MRAS: variants seen among roughly 807,000 people sequenced by gnomAD.
MRAS encodes muscle RAS oncogene homolog.
A neutral mutation model predicts 20.9 loss-of-function variants in MRAS; 4 were observed. The observed-to-expected ratio is 0.19, with a 90% CI of 0.09 to 0.44. The LOEUF is 0.44. MRAS is among the 20% of genes least tolerant of loss of function. The pLI, the probability that MRAS is intolerant of heterozygous loss-of-function variation, is 0.99. For synonymous variants in MRAS, 98 were observed against 102.9 expected, an observed-to-expected ratio of 0.95 and a Z score of 0.29; for missense variants, 154 against 277.5, an observed-to-expected ratio of 0.56 and a Z score of 3.16.
chr3:138,385,377 G>A (rs1349354078), intron 2 of MRAS, among the ~76,000 whole-genome samples: 1 of 150,876 alleles, frequency 6.6e-6, no homozygotes, highest in Non-Finnish European at 1.5e-5. Flanking sequence ...AAACTCCAGG[G>A]CTCAAGTGAT....
chr3:138,400,459 T>C, intron 4 of MRAS, 75 bp from the exon 5 acceptor site: 1 of 1,389,758 alleles, frequency 7.2e-7, no homozygotes, highest in Non-Finnish European at 1.0e-6. Context: ...TCAGAACCTC[T>C]GGGCATTTTT....
In MRAS at chr3:138,351,538, C is replaced by CT. The variant is rs753002788; in HGVS notation, c.-19+2772dup. 9.2e-5 allele frequency among the ~76,000 whole-genome samples: 14 copies of CT among 152,328 alleles called. No individual in the cohort carries two copies. In the East Asian group the frequency reaches 1.2e-3, roughly 13 times the overall value. ...TTAAGAGGAATTTTCTTGCTGGACT[C>CT]TGAGTCCCTGTCAGCCCTCCTAAGT... On this transcript the variant is annotated intron_variant, in intron 1 of 5. Transcript: ENST00000423968.
chr3:138,388,267 C>T (rs1162252099), intron 2 of MRAS, among the ~76,000 whole-genome samples: 1 of 152,214 alleles, frequency 6.6e-6, no homozygotes, highest in African/African-American at 2.4e-5. Flanking sequence ...AAACACCCCT[C>T]ATCACTATGT....
At chr3:138,375,880 C>T (rs1010416248) in intron 2 of MRAS, among the ~76,000 whole-genome samples, 8 of 151,890 alleles carry the variant, frequency 5.3e-5, no homozygotes, top group Admixed American at 1.3e-4. Flanking sequence ...AAATTAGCCT[C>T]GGGTGGCTGA....
At chr3:138,370,032 A>G (rs935768038) in intron 1 of MRAS, among the ~76,000 whole-genome samples, 1 of 152,192 alleles carries the variant, frequency 6.6e-6, no homozygotes, top group African/African-American at 2.4e-5. Context: ...AGAACAGCCA[A>G]ACACCGACCG....
intron 2 of MRAS, among the ~76,000 whole-genome samples, chr3:138,393,589 C>A (rs2055173153): frequency 6.6e-6 from 1 of 151,990 alleles, no homozygotes; most frequent in Non-Finnish European, 1.5e-5. Flanking sequence ...TTTGAATGAT[C>A]ATATTTTAAA....
rs555306813 is a variant in MRAS at position 138,373,099 on chromosome 3, G to A, written c.193+23G>A. 2.0e-5 allele frequency: 28 copies of A among 1,426,800 alleles called. No individual in the cohort carries two copies. In the South Asian group the frequency reaches 3.2e-4, roughly 16 times the overall value. 88.4% of individuals were successfully genotyped at this position (1,426,800 alleles called of 1,614,324 possible). ...ACGGTGAGACCTGGGTGGCAGCCCT[G>A]CATTGGGTGGGATAGTAGATGGGGA... On this transcript the variant is annotated intron_variant, in intron 2 of 5. Coordinates refer to ENST00000423968, the MANE Select transcript of MRAS (RefSeq NM_001085049.3).
At chr3:138,379,578 G>A (rs573381712) in intron 2 of MRAS, among the ~76,000 whole-genome samples, 1 of 152,162 alleles carries the variant, frequency 6.6e-6, no homozygotes, top group South Asian at 2.1e-4. Context: ...GGTTGGTCTC[G>A]AACTCCTGAC....
At chr3:138,360,478 G>C (rs372833818) in intron 1 of MRAS, among the ~76,000 whole-genome samples, 1 of 152,244 alleles carries the variant, frequency 6.6e-6, no homozygotes. Context: ...TCAGAAGGCA[G>C]GGCCAGTCAG....
In MRAS at chr3:138,352,153, C is replaced by T. The variant is rs970853814; in HGVS notation, c.-19+3386C>T. Among the ~76,000 whole-genome samples the T allele has an allele frequency of 4.6e-5, 7 of 152,350 alleles. No homozygotes were observed. In the East Asian group the frequency reaches 1.4e-3, roughly 29 times the overall value. On this transcript the variant is annotated intron_variant, in intron 1 of 5. Transcript: ENST00000423968. ...GACAAAGAGGGCAGTGCTGGCACTG[C>T]CTCATGCTTCCGCAGAGGTGATGAG...
chr3:138,397,495 G>C lies in MRAS; in HGVS notation c.347+18G>C. The C allele has an allele frequency of 6.2e-7, 1 of 1,613,830 alleles. No individual in the cohort carries two copies. Among genetic ancestry groups the C allele is most frequent in the Non-Finnish European group, 8.5e-7 (1 of 1,179,794 alleles). ...AAAGACAGGTGAGCATCAAAGACAGGTGAGAGTACCGGGAAGAGGCCTGCG... is the reference window on the plus strand; with the variant it reads ...AAAGACAGGTGAGCATCAAAGACAGCTGAGAGTACCGGGAAGAGGCCTGCG... On this transcript the variant is annotated intron_variant, in intron 3 of 5. Coordinates refer to ENST00000423968, the MANE Select transcript of MRAS (RefSeq NM_001085049.3).
intron 1 of MRAS, among the ~76,000 whole-genome samples, chr3:138,355,908 C>T (rs1004500107): frequency 3.3e-5 from 5 of 152,102 alleles, no homozygotes; most frequent in African/African-American, 9.7e-5. Context: ...TTCAGCCTGG[C>T]GACAGAGAGA....
At chr3:138,397,297 C>A (rs771941237) in intron 2 of MRAS, 27 bp from the exon 3 acceptor site, 1 of 1,611,608 alleles carries the variant, frequency 6.2e-7, no homozygotes, top group Admixed American at 1.7e-5. Context: ...GTGAGGACAG[C>A]CCCTGAGTGG....
At chr3:138,375,433 T>C (rs770219116) in intron 2 of MRAS, among the ~76,000 whole-genome samples, 4 of 152,220 alleles carry the variant, frequency 2.6e-5, no homozygotes, top group Non-Finnish European at 4.4e-5. Flanking sequence ...TTGAGTTAAA[T>C]TGGTATTTCT....
At chr3:138,385,077 C>T (rs1332848891) in intron 2 of MRAS, among the ~76,000 whole-genome samples, 2 of 146,166 alleles carry the variant, frequency 1.4e-5, no homozygotes, top group Admixed American at 6.9e-5. Flanking sequence ...AGGCAAGAAG[C>T]GTTTCTGAAA....
chr3:138,363,243 A>G (rs1293170638), intron 1 of MRAS, among the ~76,000 whole-genome samples: 1 of 151,688 alleles, frequency 6.6e-6, no homozygotes, highest in African/African-American at 2.4e-5. Flanking sequence ...TTGTATTTTT[A>G]TTAGAGACAA....
intron 1 of MRAS, among the ~76,000 whole-genome samples, chr3:138,351,908 CA>C (rs1269372993): frequency 6.6e-6 from 1 of 152,188 alleles, no homozygotes; most frequent in East Asian, 1.9e-4. Context: ...CTCTGAAAAC[CA>C]GCCCTGGATC....
intron 2 of MRAS, among the ~76,000 whole-genome samples, chr3:138,377,148 G>A (rs2054799385): frequency 6.6e-6 from 1 of 152,188 alleles, no homozygotes; most frequent in East Asian, 1.9e-4. Context: ...CTGAATGCCT[G>A]GGCTCTCCAT....
At chr3:138,372,814 C>T in intron 1 of MRAS, 52 bp from the exon 2 acceptor site, 1 of 1,270,306 alleles carries the variant, frequency 7.9e-7, no homozygotes, top group South Asian at 1.6e-5. Flanking sequence ...TGAATATTTT[C>T]CCCTAAGTTA....
Sources: allele counts gnomAD v4.1 joint callset (sites outside exome capture counted in the v4.1 genomes callset), GRCh38; gene constraint gnomAD v4.1.1; transcripts MANE v1.5; gene names NCBI Gene and HGNC (gene_info 2026-07-23, HGNC 2026-07-21).